Variants in MEFV observed in about 807,000 individuals in gnomAD.
MEFV encodes the protein pyrin.
Under a neutral mutation model 62.5 loss-of-function variants are expected in MEFV, and 60 were observed. The ratio of observed to expected loss-of-function variants is 0.96; its 90% confidence interval spans 0.78 to 1.19. The LOEUF (loss-of-function observed/expected upper bound fraction) is 1.19, where lower values mean the gene tolerates loss of function less well. Ranked by LOEUF, MEFV falls within the 50% of genes most tolerant of loss-of-function variation. MEFV has a pLI of 0.00. For missense variants in MEFV, 1,169 were observed against 1,004.5 expected (o/e 1.16, Z -2.21); for synonymous variants, 500 against 415.2 (o/e 1.20, Z -2.48).
At chr16:3,246,941 G>C in intron 5 of MEFV, 75 bp downstream of exon 5, 2 of 1,398,574 alleles carry the variant, frequency 1.4e-6, no homozygotes, top group Non-Finnish European at 2.0e-6. Context: ...CAGCACGGCT[G>C]ATGGCAGAGC....
intron 2 of MEFV, among the ~76,000 whole-genome samples, chr16:3,251,284 A>G (rs1959028699): frequency 6.6e-6 from 1 of 152,128 alleles, no homozygotes; most frequent in Admixed American, 6.6e-5. Flanking sequence ...ATTTGACAAT[A>G]ATATGACCAA....
Position 3,254,209 on chromosome 16 carries a change from C to T in MEFV, c.859G>A (p.Ala287Thr). ...PRARPTPDGG[A>T]SADLKEGPGN... ...GGGCCTTCCTTCAGGTCCGCAGATGCCCCTCCATCCGGAGTGGGCCTTGCC... is the reference window on the plus strand; with the variant it reads ...GGGCCTTCCTTCAGGTCCGCAGATGTCCCTCCATCCGGAGTGGGCCTTGCC... Residue 287 changes from alanine to threonine, a missense_variant, in exon 2 of 10, where the codon GCA becomes ACA. By Grantham distance (58) the Ala-to-Thr change is moderately conservative. Coordinates refer to ENST00000219596, the MANE Select transcript of MEFV (RefSeq NM_000243.3). The T allele has an allele frequency of 6.2e-7, 1 of 1,614,280 alleles. No homozygotes were observed. Among genetic ancestry groups the T allele is most frequent in the South Asian group, 1.1e-5 (1 of 91,088 alleles).
chr16:3,250,047 G>T (rs1218198624), intron 2 of MEFV, among the ~76,000 whole-genome samples: 1 of 152,230 alleles, frequency 6.6e-6, no homozygotes, highest in Non-Finnish European at 1.5e-5. Flanking sequence ...CCATGGCCTT[G>T]TGCTGTTCCT....
At chr16:3,255,273 G>C (rs1959100430) in intron 1 of MEFV, among the ~76,000 whole-genome samples, 1 of 152,028 alleles carries the variant, frequency 6.6e-6, no homozygotes, top group Non-Finnish European at 1.5e-5. Flanking sequence ...GCTGAGATCG[G>C]GCCACTGCAC....
At chr16:3,250,985 C>T (rs898522052) in intron 2 of MEFV, among the ~76,000 whole-genome samples, 1 of 141,122 alleles carries the variant, frequency 7.1e-6, no homozygotes, top group Non-Finnish European at 1.5e-5. Context: ...AGTTGCGCCA[C>T]TGCACTCCAG....
intron 6 of MEFV, among the ~76,000 whole-genome samples, chr16:3,246,243 A>G (rs938580452): frequency 3.9e-5 from 6 of 152,070 alleles, no homozygotes; most frequent in Non-Finnish European, 7.4e-5. Context: ...GACACAATGC[A>G]CTCGGAAGGT....
In MEFV at chr16:3,245,512, T is replaced by C. The variant is rs761840009; in HGVS notation, c.1611-924A>G. 4.6e-5 allele frequency among the ~76,000 whole-genome samples: 7 copies of C among 152,168 alleles called. No individual in the cohort carries two copies. The East Asian group carries it at 1.2e-3, about 25-fold the overall frequency. On this transcript the variant is annotated intron_variant, in intron 6 of 9. Transcript: ENST00000219596. Reference sequence around the variant, plus strand: ...AGCTGGGCATGGTGGCACGCTCCTGTAGTCCCAGCTACTAGGGAGGCTGAG... The same window carrying C: ...AGCTGGGCATGGTGGCACGCTCCTGCAGTCCCAGCTACTAGGGAGGCTGAG...
In MEFV at chr16:3,243,686, T is replaced by G. The variant is rs979436574; in HGVS notation, c.1801A>C (p.Ile601Leu). 1 of 1,609,830 alleles carries G rather than the reference T, an allele frequency of 6.2e-7. No homozygotes were observed. Residue 601 changes from isoleucine to leucine, a missense_variant, in exon 10 of 10, where the codon ATT becomes CTT. By Grantham distance (5) the Ile-to-Leu change is conservative. Transcript: ENST00000219596. ...GGGTAAGCGGTTTCTGCATCCAGAATCACATTAACTGCAAAGAAAATTTGA... is the reference window on the plus strand; with the variant it reads ...GGGTAAGCGGTTTCTGCATCCAGAAGCACATTAACTGCAAAGAAAATTTGA... ...IGAQAHAVNV[I>L]LDAETAYPNL...
chr16:3,254,205 G>A lies in MEFV; in HGVS notation c.863C>T (p.Ser288Phe). The change falls in exon 2 of 10, where the codon TCT becomes TTT. Residue 288 changes from serine (S) to phenylalanine (F), a missense_variant. Coordinates refer to ENST00000219596, the MANE Select transcript of MEFV (RefSeq NM_000243.3). Reference sequence around the variant, plus strand: ...TCCAGGGCCTTCCTTCAGGTCCGCAGATGCCCCTCCATCCGGAGTGGGCCT... The same window carrying A: ...TCCAGGGCCTTCCTTCAGGTCCGCAAATGCCCCTCCATCCGGAGTGGGCCT... ...RARPTPDGGA[S>F]ADLKEGPGNP... 6.2e-7 allele frequency: 1 copy of A among 1,614,270 alleles called. No individual in the cohort carries two copies. Among genetic ancestry groups the A allele is most frequent in the Non-Finnish European group, 8.5e-7 (1 of 1,180,054 alleles).
intron 2 of MEFV, chr16:3,252,051 TA>T (rs33924616): frequency 0.24 from 63,116 of 261,718 alleles, 4,054 homozygotes; most frequent in Admixed American, 0.31. Context: ...ACCCCATATC[TA>T]AAAAAAAAAA....
At chr16:3,247,991 GCTCACAC>G (rs1362010602) in intron 4 of MEFV, 5 of 151,074 alleles carry the variant, frequency 3.3e-5, no homozygotes, top group Non-Finnish European at 5.9e-5. Flanking sequence ...AGGCACGATG[GCTCACAC>G]CTGTAATCCC....
chr16:3,254,073 G>T (rs1358698233), intron 2 of MEFV, 85 bp downstream of exon 2: 14 of 1,479,346 alleles, frequency 9.5e-6, no homozygotes, highest in Non-Finnish European at 8.3e-6. Context: ...CTCCCAAAGC[G>T]CTGGGATTAC....
At chr16:3,245,424 T>G (rs910122854) in intron 6 of MEFV, among the ~76,000 whole-genome samples, 5 of 152,056 alleles carry the variant, frequency 3.3e-5, no homozygotes, top group Non-Finnish European at 7.4e-5. Flanking sequence ...GGTGGATCAC[T>G]TGAGGTCAGG....
Position 3,252,418 on chromosome 16 carries a change from G to A in MEFV, c.910+1740C>T, listed in dbSNP as rs552185493. ...AGCCTTCTGAGTAGCTGGGATTATGGACACCCGCCACCACGCCCAGCAAAT... is the reference window on the plus strand; with the variant it reads ...AGCCTTCTGAGTAGCTGGGATTATGAACACCCGCCACCACGCCCAGCAAAT... On this transcript the variant is annotated intron_variant, in intron 2 of 9. Coordinates refer to ENST00000219596, the MANE Select transcript of MEFV (RefSeq NM_000243.3). Among the ~76,000 whole-genome samples the A allele has an allele frequency of 7.2e-5, 11 of 152,020 alleles. No individual in the cohort carries two copies. The South Asian group carries it at 2.1e-3, about 29-fold the overall frequency.
rs754122355 is a variant in MEFV at position 3,248,898 on chromosome 16, TC to T, written c.1356+10del. On this transcript the variant is annotated intron_variant, in intron 4 of 9. Coordinates refer to ENST00000219596, the MANE Select transcript of MEFV (RefSeq NM_000243.3). ...AGGGACGGATGGGCCATCAGCCACC[TC>T]TGACCTTACCAGAAAGCTCACTGCC... The T allele has an allele frequency of 1.9e-6, 3 of 1,613,946 alleles. No individual in the cohort carries two copies. The East Asian group carries it at 6.7e-5, about 36-fold the overall frequency.
chr16:3,249,064 C>A, intron 3 of MEFV, 60 bp from the exon 4 acceptor site: 1 of 1,527,510 alleles, frequency 6.5e-7, no homozygotes, highest in South Asian at 1.1e-5. Flanking sequence ...TTAGCTGGTG[C>A]CAACTCTGGA....
chr16:3,254,450 G>C lies in MEFV; in HGVS notation c.618C>G (p.Asn206Lys). 6.2e-7 allele frequency: 1 copy of C among 1,608,560 alleles called. No individual in the cohort carries two copies. Among genetic ancestry groups the C allele is most frequent in the Non-Finnish European group, 8.5e-7 (1 of 1,177,562 alleles). The change falls in exon 2 of 10, where the codon AAC (asparagine) becomes AAG (lysine). Residue 206 changes from asparagine (N) to lysine (K), a missense_variant. Transcript: ENST00000219596. ...GGQAEVRLRR[N>K]ASSAGRLQGL... ...CCTGCAGCCTCCCCGCGGAGCTGGC[G>C]TTTCTGCGCAGCCGGACCTCGGCCT...
rs962267537 is a variant in MEFV at position 3,254,249 on chromosome 16, C to T, written c.819G>A (p.Ser273=). ...LEEKTAANLD[S]ATEPRARPTP... ...TGGGCCTTGCCCGGGGTTCTGTTGC[C>T]GAGTCCAGATTCGCAGCTGTCTTTT... Residue 273 remains serine, a synonymous_variant, in exon 2 of 10, where the codon TCG becomes TCA. Transcript: ENST00000219596. 5.0e-6 allele frequency: 8 copies of T among 1,614,242 alleles called. No individual in the cohort carries two copies. The highest frequency in any genetic ancestry group is 6.8e-6 in the Non-Finnish European group (8 of 1,180,042).
At chr16:3,253,036 G>A (rs1051558878) in intron 2 of MEFV, among the ~76,000 whole-genome samples, 3 of 150,596 alleles carry the variant, frequency 2.0e-5, no homozygotes. Flanking sequence ...GGATAGCCTC[G>A]GTACCCTCTA....
Sources: gnomAD v4.1 joint callset for allele counts (sites outside exome capture counted in the v4.1 genomes callset) on GRCh38, gnomAD v4.1.1 for gene constraint, MANE v1.5 for transcripts, NCBI Gene and HGNC (gene_info 2026-07-23, HGNC 2026-07-21) for gene names.